VWA3A: variants seen among roughly 807,000 people sequenced by gnomAD.
VWA3A encodes von Willebrand factor A domain-containing protein 3A.
VWA3A carries 134 observed loss-of-function variants against 160.4 expected under a neutral mutation model. The ratio of observed to expected loss-of-function variants is 0.84; its 90% CI spans 0.73 to 0.96. The LOEUF (loss-of-function observed/expected upper bound fraction) is 0.96. Ranked by LOEUF, VWA3A falls within the 40% of genes least tolerant of loss-of-function variation. VWA3A has a pLI of 0.00. For synonymous variants in VWA3A, 476 were observed against 543.4 expected, an observed-to-expected ratio of 0.88 and a Z score of 1.72; for missense variants, 1,310 against 1,447.9, an observed-to-expected ratio of 0.90 and a Z score of 1.55.
In VWA3A at chr16:22,092,542, A is replaced by T; in HGVS notation, c.-96A>T. On this transcript the variant is annotated 5_prime_UTR_variant, in exon 1 of 34. Coordinates refer to ENST00000389398, the MANE Select transcript of VWA3A (RefSeq NM_173615.5). ...TCCCGCAGGGCAAGCTTCGCTGCTG[A>T]GTTGCTTGGAGGAGCTTGGAGAAAC... 6.7e-7 allele frequency: 1 copy of T among 1,487,054 alleles called. No individual in the cohort carries two copies. Among genetic ancestry groups the T allele is most frequent in the Non-Finnish European group, 9.1e-7 (1 of 1,096,556 alleles). 92.1% of individuals were successfully genotyped at this position (1,487,054 alleles called of 1,614,324 possible). A position where few individuals can be genotyped will look rare whatever the true frequency, so the allele number is the denominator to read the frequency against.
chr16:22,115,571 C>T (rs2045617497), intron 9 of VWA3A, 99 bp downstream of exon 9: 1 of 1,349,146 alleles, frequency 7.4e-7, no homozygotes, highest in Non-Finnish European at 9.8e-7. Context: ...GTGGCTCATG[C>T]CTGTAATCCC....
rs1412546361 is a variant in VWA3A at position 22,116,747 on chromosome 16, C to T, written c.816-12C>T. 12 of 1,608,588 alleles carry T rather than the reference C, an allele frequency of 7.5e-6. No individual in the cohort carries two copies. Among genetic ancestry groups the T allele is most frequent in the Middle Eastern group, 1.7e-4 (1 of 6,060 alleles). ...ACCTGGGATTTCCACTTCTCTTCTG[C>T]CTTCTCCACAGCCCAGATCAGCCTT... On this transcript the variant is annotated splice_polypyrimidine_tract_variant and intron_variant, in intron 9 of 33. Coordinates refer to ENST00000389398, the MANE Select transcript of VWA3A (RefSeq NM_173615.5).
chr16:22,141,778 C>A, intron 24 of VWA3A, 86 bp downstream of exon 24: 1 of 1,161,274 alleles, frequency 8.6e-7, no homozygotes, highest in South Asian at 1.5e-5. Context: ...GAAGGAGACC[C>A]CTCCTGCTGT....
chr16:22,131,568 C>A lies in VWA3A; in HGVS notation c.1728-17C>A, dbSNP rs1383062783. ...ATGGGCCAATGACCCTCAGCATGGC[C>A]ATCTCTGCCTCCGCAGGTGGGCCCT... is the stretch of plus-strand genomic sequence containing the variant. On this transcript the variant is annotated splice_polypyrimidine_tract_variant and intron_variant, in intron 18 of 33. Transcript: ENST00000389398. 6.2e-7 allele frequency: 1 copy of A among 1,608,742 alleles called. No individual in the cohort carries two copies. Among genetic ancestry groups the A allele is most frequent in the Non-Finnish European group, 8.5e-7 (1 of 1,177,404 alleles).
Position 22,152,568 on chromosome 16 carries a change from C to A in VWA3A, c.3339C>A (p.Cys1113Ter), listed in dbSNP as rs1285185544. The change falls in exon 31 of 34, where the codon TGC becomes TGA. Residue 1113 changes from cysteine to a stop codon, truncating the protein, a stop_gained. Transcript: ENST00000389398. LOFTEE classifies it high-confidence loss of function. The stretch of plus-strand genomic sequence containing the variant: ...CCTTCACCGGCGGACGCTATCACTG[C>A]CCTGTGGGTGAGGACACACTCTCCA... ...LASFTGGRYH[C>*]PVGEDTLSKI... is the part of the protein sequence containing the mutation. The A allele has an allele frequency of 1.2e-6, 2 of 1,612,412 alleles. No homozygotes were observed. The highest frequency in any genetic ancestry group is 1.7e-6 in the Non-Finnish European group (2 of 1,179,236).
intron 7 of VWA3A, among the ~76,000 whole-genome samples, chr16:22,110,114 C>T (rs930092170): frequency 6.6e-6 from 1 of 152,158 alleles, no homozygotes; most frequent in East Asian, 1.9e-4. Flanking sequence ...CATGTGACTG[C>T]GTTAACTAAT....
chr16:22,117,156 T>G lies in VWA3A; in HGVS notation c.970T>G (p.Cys324Gly). The G allele has an allele frequency of 6.3e-7, 1 of 1,582,944 alleles. No homozygotes were observed. The highest frequency in any genetic ancestry group is 8.6e-7 in the Non-Finnish European group (1 of 1,164,190). The change falls in exon 11 of 34, where the codon TGC becomes GGC. Residue 324 changes from cysteine to glycine, a missense_variant. By Grantham distance (159) the Cys-to-Gly change is radical (BLOSUM62 -3). Coordinates refer to ENST00000389398, the MANE Select transcript of VWA3A (RefSeq NM_173615.5). Reference protein sequence around the residue: ...LAEAVRGYYHCYSPKMEHYTS... With the variant: ...LAEAVRGYYHGYSPKMEHYTS... ...AGAAGCTGTTAGGGGCTACTACCAC[T>G]GCTACAGCCCAAAGATGGAGGTAAG...
In VWA3A at chr16:22,123,258, C is replaced by A. The variant is rs145285218; in HGVS notation, c.1437+93C>A. 6.5e-3 allele frequency: 8,193 copies of A among 1,256,394 alleles called. 46 individuals carry two copies. The highest frequency in any genetic ancestry group is 7.2e-3 in the Non-Finnish European group (6,388 of 884,528). The allele number at this position is 1,256,394 out of a possible 1,614,324, so 77.8% of individuals were successfully genotyped here. On this transcript the variant is annotated intron_variant, in intron 15 of 33. Transcript: ENST00000389398. ...GGCTATGAAGTCACCAAGCCATTGA[C>A]TCAACTCCCTCTTGTAAAGAGGGAC...
chr16:22,118,293 C>T (rs1013235086), intron 11 of VWA3A, among the ~76,000 whole-genome samples: 1 of 151,830 alleles, frequency 6.6e-6, no homozygotes. Flanking sequence ...AAAATAATAA[C>T]AAAATAAATA....
intron 15 of VWA3A, 143 bp downstream of exon 15, chr16:22,123,308 TG>T: frequency 1.8e-6 from 2 of 1,119,502 alleles, no homozygotes; most frequent in African/African-American, 3.1e-5. Context: ...ACAGGCCTCC[TG>T]AAGCTTTGGC....
chr16:22,147,733 A>T, intron 27 of VWA3A: 1 of 696,626 alleles, frequency 1.4e-6, no homozygotes, highest in Non-Finnish European at 2.6e-6. Flanking sequence ...GAACGGTGAC[A>T]TAAAACCAGA....
At chr16:22,113,525 T>A (rs2045588274) in intron 8 of VWA3A, among the ~76,000 whole-genome samples, 1 of 151,654 alleles carries the variant, frequency 6.6e-6, no homozygotes, top group South Asian at 2.1e-4. Flanking sequence ...GTGCCCAGCC[T>A]ACCATGTGTA....
At chr16:22,140,827 G>T (rs1372190405) in intron 23 of VWA3A, among the ~76,000 whole-genome samples, 1 of 151,506 alleles carries the variant, frequency 6.6e-6, no homozygotes, top group Non-Finnish European at 1.5e-5. Context: ...GCCCAGGCTG[G>T]TCTACAACTC....
intron 6 of VWA3A, among the ~76,000 whole-genome samples, chr16:22,106,144 G>A (rs766372715): frequency 6.6e-6 from 1 of 152,122 alleles, no homozygotes; most frequent in Non-Finnish European, 1.5e-5. Context: ...CAGCACTTTG[G>A]GAGGCCGAGG....
At chr16:22,122,685 G>A (rs190742250) in intron 14 of VWA3A, among the ~76,000 whole-genome samples, 101 of 152,318 alleles carry the variant, frequency 6.6e-4, no homozygotes, top group Admixed American at 1.2e-3. Context: ...GTAAAGGCCT[G>A]TCTAGGTTCC....
intron 17 of VWA3A, among the ~76,000 whole-genome samples, chr16:22,126,632 G>A (rs1015409529): frequency 4.6e-5 from 7 of 152,152 alleles, no homozygotes; most frequent in Admixed American, 2.6e-4. Flanking sequence ...CCATGCCCTA[G>A]TGTCAGTCCT....
At chr16:22,132,228 A>G (rs2045961220) in intron 19 of VWA3A, among the ~76,000 whole-genome samples, 1 of 151,802 alleles carries the variant, frequency 6.6e-6, no homozygotes, top group Non-Finnish European at 1.5e-5. Flanking sequence ...TACTAAAAAT[A>G]CAAAATTAGC....
At chr16:22,111,955 T>G (rs1313915455) in intron 8 of VWA3A, among the ~76,000 whole-genome samples, 2 of 152,228 alleles carry the variant, frequency 1.3e-5, no homozygotes, top group Non-Finnish European at 2.9e-5. Context: ...AAATAATCTT[T>G]GCACACACAT....
intron 22 of VWA3A, among the ~76,000 whole-genome samples, chr16:22,139,926 CAT>C (rs1180639003): frequency 6.6e-6 from 1 of 152,174 alleles, no homozygotes; most frequent in East Asian, 1.9e-4. Context: ...CATGCACACA[CAT>C]ACATATACAC....
Sources: allele counts gnomAD v4.1 joint callset (sites outside exome capture counted in the v4.1 genomes callset), GRCh38; gene constraint gnomAD v4.1.1; transcripts MANE v1.5; gene names NCBI Gene and HGNC (gene_info 2026-07-23, HGNC 2026-07-21).